The following TJP2 variants were observed in gnomAD, a reference collection of about 807,000 sequenced individuals.
TJP2 encodes the protein tight junction protein 2.
A neutral mutation model predicts 133.1 loss-of-function variants in TJP2; 91 were observed. That is an observed-to-expected ratio of 0.68 (90% CI 0.58 to 0.81). TJP2 has a LOEUF of 0.81. TJP2 is among the 40% of genes least tolerant of loss of function. The pLI is 0.00. For synonymous variants in TJP2, 592 were observed against 583.4 expected (o/e 1.01, Z -0.21); for missense variants, 1,541 against 1,565.6 (o/e 0.98, Z 0.26).
upstream of TJP2, chr9:69,173,953 GC>G (rs1354736186): frequency 1.9e-5 from 19 of 985,270 alleles, no homozygotes; most frequent in Non-Finnish European, 2.2e-5. Context: ...CATCGGGCTG[GC>G]GGGGGTGGAG....
intron 1 of TJP2, among the ~76,000 whole-genome samples, chr9:69,207,624 C>T (rs1306733411): frequency 1.3e-5 from 2 of 152,204 alleles, no homozygotes; most frequent in East Asian, 3.8e-4. Flanking sequence ...CTGATATATG[C>T]GTGCTCTTTC....
intron 11 of TJP2, 104 bp downstream of exon 11, chr9:69,230,336 G>A: frequency 2.1e-6 from 3 of 1,454,022 alleles, no homozygotes; most frequent in Non-Finnish European, 2.9e-6. Context: ...TGGTGAAATA[G>A]AGCAGCTGCA....
At chr9:69,244,350 C>G (rs1830782883) in intron 17 of TJP2, among the ~76,000 whole-genome samples, 1 of 152,104 alleles carries the variant, frequency 6.6e-6, no homozygotes, top group South Asian at 2.1e-4. Context: ...TCCCTAAACC[C>G]TCTAGTCTTA....
intron 1 of TJP2, among the ~76,000 whole-genome samples, chr9:69,137,653 T>C (rs1245883542): frequency 1.3e-5 from 2 of 151,950 alleles, no homozygotes; most frequent in African/African-American, 4.8e-5. Flanking sequence ...CATGAGCCAC[T>C]GTACTCAGCT....
intron 2 of TJP2, among the ~76,000 whole-genome samples, chr9:69,152,345 A>G (rs988929483): frequency 6.6e-6 from 1 of 152,124 alleles, no homozygotes; most frequent in African/African-American, 2.4e-5. Flanking sequence ...TGTGGGATGC[A>G]TTTGTTTTTT....
intron 2 of TJP2, among the ~76,000 whole-genome samples, chr9:69,158,036 C>G (rs935612603): frequency 6.7e-6 from 1 of 150,356 alleles, no homozygotes; most frequent in Non-Finnish European, 1.5e-5. Context: ...AGTGGCTGGC[C>G]GGGTGCGGTG....
intron 1 of TJP2, among the ~76,000 whole-genome samples, chr9:69,175,592 A>C (rs987777549): frequency 7.9e-5 from 12 of 152,202 alleles, no homozygotes; most frequent in Non-Finnish European, 1.3e-4. Flanking sequence ...GTAAGTTTTC[A>C]TGAACAACTC....
chr9:69,248,458 G>C, intron 19 of TJP2: 1 of 1,364,294 alleles, frequency 7.3e-7, no homozygotes, highest in Non-Finnish European at 9.5e-7. Flanking sequence ...GCACACCCAT[G>C]CCCTCAGGTG....
In TJP2 at chr9:69,254,308, G is replaced by A; in HGVS notation, c.3507G>A (p.Gln1169=). 1 of 1,614,268 alleles carries A rather than the reference G, an allele frequency of 6.2e-7. No homozygotes were observed. Among genetic ancestry groups the A allele is most frequent in the Non-Finnish European group, 8.5e-7 (1 of 1,180,052 alleles). The change falls in exon 23 of 23, where the codon CAG becomes CAA. Residue 1169 remains glutamine, a synonymous_variant. Transcript: ENST00000377245. Reference sequence around the variant, plus strand: ...CCGAGGAGGAGGAGTACCGCCAGCAGCTGTCAGAACACTCCAAGCGCGGTT... The same window carrying A: ...CCGAGGAGGAGGAGTACCGCCAGCAACTGTCAGAACACTCCAAGCGCGGTT... ...SDAEEEEYRQ[Q]LSEHSKRGYY... is the part of the protein sequence containing the mutation.
At chr9:69,176,176 G>C (rs996902611) in intron 1 of TJP2, among the ~76,000 whole-genome samples, 8 of 152,172 alleles carry the variant, frequency 5.3e-5, no homozygotes, top group African/African-American at 1.9e-4. Context: ...TTCTTGCTGG[G>C]AATAAAGGGC....
intron 2 of TJP2, among the ~76,000 whole-genome samples, chr9:69,158,873 A>G (rs998264908): frequency 6.6e-6 from 1 of 152,050 alleles, no homozygotes; most frequent in Non-Finnish European, 1.5e-5. Flanking sequence ...CACTCATATC[A>G]GTTGAATGGT....
In TJP2 at chr9:69,167,565, A is replaced by G. The variant is rs149334316; in HGVS notation, c.-10+15794A>G. On this transcript the variant is annotated intron_variant, in intron 2 of 5. Transcript: ENST00000423935. Reference sequence around the variant, plus strand: ...TAAGTTACTTGCTTTAATAAATAGAAGAATGTCTACCTGGCCTGGTGTGGT... The same window carrying G: ...TAAGTTACTTGCTTTAATAAATAGAGGAATGTCTACCTGGCCTGGTGTGGT... Among the ~76,000 whole-genome samples, 45 of 152,334 alleles carry G rather than the reference A, an allele frequency of 3.0e-4. No homozygotes were observed. The East Asian group carries it at 7.3e-3, about 25-fold the overall frequency.
chr9:69,173,976 T>A (rs1315786250), upstream of TJP2: 2 of 984,918 alleles, frequency 2.0e-6, no homozygotes, highest in Non-Finnish European at 2.4e-6. Flanking sequence ...GGTGCAGGCG[T>A]GGGGGCTGCG....
At chr9:69,150,217 A>G (rs1465651683) in intron 1 of TJP2, among the ~76,000 whole-genome samples, 1 of 151,940 alleles carries the variant, frequency 6.6e-6, no homozygotes, top group Non-Finnish European at 1.5e-5. Context: ...TTGGTTTAAA[A>G]TGTTTTCTCT....
At chr9:69,198,025 C>T (rs746316869) in intron 1 of TJP2, among the ~76,000 whole-genome samples, 4 of 152,106 alleles carry the variant, frequency 2.6e-5, no homozygotes, top group Admixed American at 6.6e-5. Context: ...TGAATTGAGG[C>T]GCAGTCTTGG....
intron 11 of TJP2, among the ~76,000 whole-genome samples, chr9:69,232,095 A>G (rs1829828692): frequency 6.6e-6 from 1 of 152,180 alleles, no homozygotes; most frequent in Non-Finnish European, 1.5e-5. Flanking sequence ...TTGGTGGATA[A>G]AAAGTCATGG....
Position 69,156,181 on chromosome 9 carries a change from A to C in TJP2, c.-10+4410A>C, listed in dbSNP as rs999593118. 4.1e-4 allele frequency among the ~76,000 whole-genome samples: 63 copies of C among 152,152 alleles called. 2 individuals are homozygous for C. The stretch of plus-strand genomic sequence containing the variant: ...GGAGTTTGAGACCAGCCTGGCCAAC[A>C]TGGTGAAACACCATCTCTACTAAAA... On this transcript the variant is annotated intron_variant, in intron 2 of 5. Coordinates refer to the TJP2 transcript ENST00000423935.
upstream of TJP2, among the ~76,000 whole-genome samples, chr9:69,169,828 A>C (rs1824580716): frequency 6.6e-6 from 1 of 152,134 alleles, no homozygotes; most frequent in Non-Finnish European, 1.5e-5. Context: ...TATCTCATTA[A>C]GGTCTTCTGA....
At chr9:69,236,839 G>T in intron 13 of TJP2, 110 bp from the exon 14 acceptor site, 2 of 1,284,628 alleles carry the variant, frequency 1.6e-6, no homozygotes, top group Non-Finnish European at 2.3e-6. Flanking sequence ...TCATTGTCAA[G>T]CGGAATCTTC....
Sources: allele counts gnomAD v4.1 joint callset (sites outside exome capture counted in the v4.1 genomes callset), GRCh38; gene constraint gnomAD v4.1.1; transcripts MANE v1.5; gene names NCBI Gene and HGNC (gene_info 2026-07-23, HGNC 2026-07-21).